FCHO2: variants seen among roughly 807,000 people sequenced by gnomAD.
FCHO2 encodes FCH and mu domain containing endocytic adaptor 2.
FCHO2 carries 43 observed loss-of-function variants against 114.1 expected under a neutral mutation model. The observed-to-expected ratio is 0.38, with a 90% CI of 0.30 to 0.49. The LOEUF (loss-of-function observed/expected upper bound fraction) is 0.49, where lower values mean the gene tolerates loss of function less well. FCHO2 is among the 20% of genes least tolerant of loss of function. The pLI is 0.97. For synonymous variants in FCHO2, 293 were observed against 315.2 expected, an observed-to-expected ratio of 0.93 and a Z score of 0.75; for missense variants, 807 against 950.4, an observed-to-expected ratio of 0.85 and a Z score of 1.98.
intron 5 of FCHO2, among the ~76,000 whole-genome samples, chr5:73,003,327 T>A (rs546795356): frequency 6.6e-6 from 1 of 152,018 alleles, no homozygotes; most frequent in African/African-American, 2.4e-5. Context: ...TTTTAAAAAT[T>A]TTTATTGTAT....
chr5:73,041,043 T>C (rs551126641), intron 10 of FCHO2, among the ~76,000 whole-genome samples: 34 of 152,204 alleles, frequency 2.2e-4, no homozygotes, highest in African/African-American at 7.9e-4. Flanking sequence ...TAATGTAAGC[T>C]GTTAGAAAAA....
chr5:72,975,671 A>G (rs1252051545), intron 2 of FCHO2, among the ~76,000 whole-genome samples: 2 of 151,930 alleles, frequency 1.3e-5, no homozygotes, highest in Non-Finnish European at 2.9e-5. Flanking sequence ...TGCCTGGCTA[A>G]TTTTTGTATT....
chr5:73,020,708 A>G lies in FCHO2; in HGVS notation c.796+3400A>G, dbSNP rs144185756. 497 of 1,208,924 alleles carry G rather than the reference A, an allele frequency of 4.1e-4. 4 individuals are homozygous for G. The African/African-American group carries it at 6.7e-3, about 16-fold the overall frequency. The allele number at this position is 1,208,924 out of a possible 1,614,324, so 74.9% of individuals were successfully genotyped here. ...TTGGTCTCTGTCCTTTAGTGAAGAA[A>G]TTGGATGCTCATTTTCTGTTCTACA... On this transcript the variant is annotated intron_variant, in intron 8 of 25. Transcript: ENST00000430046.
chr5:73,037,820 G>A (rs143130491), intron 10 of FCHO2: 9 of 348,882 alleles, frequency 2.6e-5, no homozygotes, highest in African/African-American at 2.3e-5. Flanking sequence ...GCAATGGCGC[G>A]ATCTTGGCTT....
intron 24 of FCHO2, among the ~76,000 whole-genome samples, chr5:73,084,855 T>C (rs1274613578): frequency 6.6e-6 from 1 of 152,210 alleles, no homozygotes; most frequent in Non-Finnish European, 1.5e-5. Flanking sequence ...GCTGGCCAAC[T>C]GCATTGACTT....
intron 8 of FCHO2, among the ~76,000 whole-genome samples, chr5:73,023,357 C>T (rs1029887504): frequency 3.9e-5 from 6 of 152,034 alleles, no homozygotes; most frequent in Non-Finnish European, 7.4e-5. Flanking sequence ...TTACATAATT[C>T]GGTTTGTCTA....
Position 73,088,296 on chromosome 5 carries a change from C to G in FCHO2, c.*206C>G, listed in dbSNP as rs1162245978. ...GATTCTCTATGTTGTAAATGATCAA[C>G]TACAATATTCAGGAAGCACATTTAT... On this transcript the variant is annotated 3_prime_UTR_variant, in exon 26 of 26. Transcript: ENST00000430046. 2 of 586,846 alleles carry G rather than the reference C, an allele frequency of 3.4e-6. No homozygotes were observed. The highest frequency in any genetic ancestry group is 5.9e-6 in the Non-Finnish European group (2 of 340,076). 36.4% of individuals were successfully genotyped at this position (586,846 alleles called of 1,614,324 possible). A position where few individuals can be genotyped will look rare whatever the true frequency, so the allele number is the denominator to read the frequency against.
chr5:73,046,174 T>A (rs1757045245), intron 11 of FCHO2, among the ~76,000 whole-genome samples: 1 of 152,272 alleles, frequency 6.6e-6, no homozygotes, highest in African/African-American at 2.4e-5. Context: ...AAGTGATCCT[T>A]CCTGCCTGAG....
chr5:73,084,225 A>G (rs1351485989), intron 24 of FCHO2, among the ~76,000 whole-genome samples: 8 of 152,028 alleles, frequency 5.3e-5, no homozygotes, highest in Non-Finnish European at 1.2e-4. Flanking sequence ...TTAGTCTACA[A>G]TAACTTTTCT....
intron 18 of FCHO2, among the ~76,000 whole-genome samples, chr5:73,065,640 A>C (rs751495600): frequency 1.3e-5 from 2 of 152,082 alleles, no homozygotes; most frequent in Non-Finnish European, 2.9e-5. Context: ...AAAAATTATT[A>C]ATTGTATAGG....
At chr5:73,022,698 G>A (rs937385830) in intron 8 of FCHO2, among the ~76,000 whole-genome samples, 7 of 152,286 alleles carry the variant, frequency 4.6e-5, no homozygotes, top group East Asian at 3.9e-4. Context: ...TTTTGTTTGC[G>A]AATGTCAGAA....
In FCHO2 at chr5:73,052,418, A is replaced by G. The variant is rs202229490; in HGVS notation, c.1084A>G (p.Met362Val). 7.5e-6 allele frequency: 12 copies of G among 1,604,012 alleles called. No homozygotes were observed. The highest frequency in any genetic ancestry group is 1.7e-5 in the Admixed American group (1 of 58,720). ...GAAGTATCGGATAGAAATTAAGCCTATGCATCCAAATAACTCACATCACAC... is the reference window on the plus strand; with the variant it reads ...GAAGTATCGGATAGAAATTAAGCCTGTGCATCCAAATAACTCACATCACAC... ...PKKYRIEIKPMHPNNSHHTMA... is the reference protein window; with the variant it reads ...PKKYRIEIKPVHPNNSHHTMA... The change falls in exon 13 of 26, where the codon ATG becomes GTG. Residue 362 changes from methionine to valine, a missense_variant. Met to Val is a conservative substitution (Grantham distance 21). Coordinates refer to ENST00000430046, the MANE Select transcript of FCHO2 (RefSeq NM_138782.3).
intron 11 of FCHO2, chr5:73,051,023 C>A: frequency 3.9e-6 from 1 of 255,344 alleles, no homozygotes; most frequent in East Asian, 1.3e-4. Context: ...CTAACTTATT[C>A]TTCCTCATTT....
At chr5:73,001,800 G>T (rs547090221) in intron 5 of FCHO2, among the ~76,000 whole-genome samples, 4 of 151,716 alleles carry the variant, frequency 2.6e-5, no homozygotes, top group African/African-American at 9.7e-5. Context: ...TTAGCCAGGC[G>T]TAGTGGCATG....
chr5:73,057,392 C>T (rs1009541352), intron 16 of FCHO2, among the ~76,000 whole-genome samples: 8 of 151,968 alleles, frequency 5.3e-5, no homozygotes, highest in African/African-American at 9.7e-5. Flanking sequence ...AGGAGTCATA[C>T]AGTTGCAATG....
At chr5:73,009,357 T>C (rs1156388052) in intron 6 of FCHO2, among the ~76,000 whole-genome samples, 1 of 152,250 alleles carries the variant, frequency 6.6e-6, no homozygotes, top group Non-Finnish European at 1.5e-5. Context: ...GTTTCATTAA[T>C]TTTTAAAATT....
chr5:72,972,159 G>A (rs538559880), intron 2 of FCHO2, among the ~76,000 whole-genome samples: 1 of 151,990 alleles, frequency 6.6e-6, no homozygotes, highest in East Asian at 1.9e-4. Flanking sequence ...TGTTCTTTTG[G>A]CTTAGGATTG....
chr5:72,994,598 G>A (rs1753979409), intron 5 of FCHO2, among the ~76,000 whole-genome samples: 1 of 152,156 alleles, frequency 6.6e-6, no homozygotes, highest in Non-Finnish European at 1.5e-5. Flanking sequence ...GCTAAAAACA[G>A]AACTACCATT....
chr5:73,075,648 A>G (rs1742876934), intron 20 of FCHO2, among the ~76,000 whole-genome samples: 1 of 152,168 alleles, frequency 6.6e-6, no homozygotes, highest in Admixed American at 6.6e-5. Context: ...AACTGGGGGC[A>G]GAGGGTGCGG....
Sources: allele counts gnomAD v4.1 joint callset (sites outside exome capture counted in the v4.1 genomes callset), GRCh38; gene constraint gnomAD v4.1.1; transcripts MANE v1.5; gene names NCBI Gene and HGNC (gene_info 2026-07-23, HGNC 2026-07-21).